Variants in CMIP observed in about 807,000 individuals in gnomAD.
CMIP encodes c-Maf inducing protein.
CMIP carries 13 observed loss-of-function variants against 97.3 expected under a neutral mutation model. That is an observed-to-expected ratio of 0.13 (90% CI 0.09 to 0.21). The LOEUF is 0.21. Among genes scored for constraint, CMIP ranks in the 10% least tolerant of loss-of-function variants. The pLI, the probability that CMIP is intolerant of heterozygous loss-of-function variation, is 1.00. For missense variants in CMIP, 847 were observed against 1,024.9 expected (o/e 0.83, Z 2.37); for synonymous variants, 538 against 436.3 (o/e 1.23, Z -2.91).
chr16:81,606,445 C>T (rs1258506831), intron 1 of CMIP, among the ~76,000 whole-genome samples: 2 of 152,170 alleles, frequency 1.3e-5, no homozygotes, highest in Non-Finnish European at 2.9e-5. Context: ...GTGACAAGGA[C>T]ACCCGCTTTG....
chr16:81,601,092 C>T (rs556308471), intron 1 of CMIP, among the ~76,000 whole-genome samples: 2 of 152,276 alleles, frequency 1.3e-5, no homozygotes, highest in East Asian at 3.9e-4. Flanking sequence ...CACATCCACC[C>T]AGCTGTCAGG....
intron 2 of CMIP, among the ~76,000 whole-genome samples, chr16:81,611,025 C>T (rs2091823106): frequency 6.6e-6 from 1 of 152,150 alleles, no homozygotes; most frequent in Non-Finnish European, 1.5e-5. Context: ...TCCTAGTCAG[C>T]AGATGAGTGA....
At chr16:81,501,591 T>A (rs1410848909) in intron 1 of CMIP, among the ~76,000 whole-genome samples, 1 of 151,072 alleles carries the variant, frequency 6.6e-6, no homozygotes, top group African/African-American at 2.4e-5. Context: ...CATTGATGCT[T>A]AGGTTTGACT....
intron 7 of CMIP, among the ~76,000 whole-genome samples, chr16:81,668,105 G>T (rs1006849296): frequency 2.6e-5 from 4 of 152,070 alleles, no homozygotes. Context: ...CCTGAGGGGG[G>T]TCTCTATTTC....
intron 2 of CMIP, among the ~76,000 whole-genome samples, chr16:81,618,319 C>T (rs2091948275): frequency 6.6e-6 from 1 of 152,146 alleles, no homozygotes; most frequent in Admixed American, 6.5e-5. Context: ...ACTCTGACCT[C>T]TGCTTTAGTC....
intron 7 of CMIP, among the ~76,000 whole-genome samples, chr16:81,668,349 C>T (rs1003220279): frequency 6.6e-6 from 1 of 152,148 alleles, no homozygotes; most frequent in Non-Finnish European, 1.5e-5. Flanking sequence ...GGAATGAATG[C>T]GGCGGCCAGA....
intron 1 of CMIP, among the ~76,000 whole-genome samples, chr16:81,447,842 G>A (rs143492950): frequency 5.7e-4 from 87 of 152,310 alleles, no homozygotes; most frequent in African/African-American, 2.0e-3. Context: ...CCTGGCTGGA[G>A]CGCTGGCCTC....
chr16:81,497,769 C>T (rs1597477116), intron 1 of CMIP, among the ~76,000 whole-genome samples: 1 of 152,250 alleles, frequency 6.6e-6, no homozygotes, highest in Non-Finnish European at 1.5e-5. Context: ...AGGGCTTGTG[C>T]TCTGGGAGCC....
chr16:81,508,033 G>A (rs986064696), intron 1 of CMIP, among the ~76,000 whole-genome samples: 8 of 152,198 alleles, frequency 5.3e-5, no homozygotes, highest in Non-Finnish European at 7.3e-5. Flanking sequence ...CATGCTTAAC[G>A]GAGGAATCAG....
chr16:81,669,041 A>G (rs1490609740), intron 7 of CMIP, among the ~76,000 whole-genome samples: 2 of 114,522 alleles, frequency 1.7e-5, no homozygotes, highest in Non-Finnish European at 1.8e-5. Context: ...CACCCACCAC[A>G]CTCTCCTCCT....
intron 1 of CMIP, among the ~76,000 whole-genome samples, chr16:81,585,681 CT>C (rs1317984819): frequency 7.9e-6 from 1 of 126,676 alleles, no homozygotes; most frequent in African/African-American, 2.6e-5. Context: ...GGCACAGTAC[CT>C]TTTGGCCAGT....
intron 1 of CMIP, among the ~76,000 whole-genome samples, chr16:81,483,694 C>T (rs1379678892): frequency 6.6e-6 from 1 of 152,190 alleles, no homozygotes; most frequent in African/African-American, 2.4e-5. Flanking sequence ...GCAGCCTTGC[C>T]CACAGTCCAG....
chr16:81,635,699 T>C (rs574988398), intron 3 of CMIP, among the ~76,000 whole-genome samples: 1 of 152,262 alleles, frequency 6.6e-6, no homozygotes, highest in South Asian at 2.1e-4. Flanking sequence ...ATGATAGACG[T>C]CAAGCGTCTG....
At chr16:81,564,870 C>G (rs1401364597) in intron 1 of CMIP, among the ~76,000 whole-genome samples, 1 of 152,032 alleles carries the variant, frequency 6.6e-6, no homozygotes, top group Non-Finnish European at 1.5e-5. Flanking sequence ...AATGAATTCG[C>G]AGAGGAGAAC....
intron 1 of CMIP, among the ~76,000 whole-genome samples, chr16:81,504,307 TAG>T (rs1166038002): frequency 6.7e-6 from 1 of 149,552 alleles, no homozygotes; most frequent in Non-Finnish European, 1.5e-5. Flanking sequence ...GCCTTGGTGA[TAG>T]AGTGAGACTG....
At chr16:81,678,696 C>T (rs1417246255) in intron 10 of CMIP, 68 bp downstream of exon 10, 4 of 739,872 alleles carry the variant, frequency 5.4e-6, no homozygotes, top group African/African-American at 3.5e-5. Context: ...CTGCTGGGTG[C>T]GGCTGTGTTT....
chr16:81,670,195 C>G lies in CMIP; in HGVS notation c.879C>G (p.Ala293=), dbSNP rs2092668748. ...LRLFTQEYIL[A]LNELNAGMEV... ...TGTTTACTCAGGAGTACATCCTTGC[C>G]TTGAACGAGCTCAACGCGGGGATGG... Residue 293 remains alanine (A), a synonymous_variant, in exon 8 of 21, where the codon GCC becomes GCG. Coordinates refer to ENST00000537098, the MANE Select transcript of CMIP (RefSeq NM_198390.3). 1 of 1,611,732 alleles carries G rather than the reference C, an allele frequency of 6.2e-7. No homozygotes were observed. The highest frequency in any genetic ancestry group is 1.3e-5 in the African/African-American group (1 of 74,900).
At chr16:81,536,809 G>A (rs866212715) in intron 1 of CMIP, among the ~76,000 whole-genome samples, 13 of 151,930 alleles carry the variant, frequency 8.6e-5, no homozygotes, top group Non-Finnish European at 1.5e-4. Flanking sequence ...ACATACATCC[G>A]GAAGCATGCA....
chr16:81,490,792 G>A (rs1248343346), intron 1 of CMIP, among the ~76,000 whole-genome samples: 1 of 152,156 alleles, frequency 6.6e-6, no homozygotes, highest in Non-Finnish European at 1.5e-5. Flanking sequence ...GGGTGTCTGG[G>A]TAGAACATTC....
Sources: gnomAD v4.1 joint callset for allele counts (sites outside exome capture counted in the v4.1 genomes callset) on GRCh38, gnomAD v4.1.1 for gene constraint, MANE v1.5 for transcripts, NCBI Gene and HGNC (gene_info 2026-07-23, HGNC 2026-07-21) for gene names.